The following CD86 variants were observed in gnomAD, a reference collection of about 807,000 sequenced individuals.
CD86 encodes the protein CD86 molecule.
In CD86, 11 loss-of-function variants were observed where a neutral mutation model predicts 32.1. The observed-to-expected ratio is 0.34, with a 90% CI of 0.22 to 0.57. The LOEUF is 0.57. CD86 is among the 20% of genes least tolerant of loss of function. CD86 has a pLI of 0.86. For synonymous variants in CD86, 137 were observed against 135.3 expected (o/e 1.01, Z -0.09); for missense variants, 359 against 398.4 (o/e 0.90, Z 0.84).
intron 2 of CD86, among the ~76,000 whole-genome samples, chr3:122,101,218 C>A (rs2072994077): frequency 6.6e-6 from 1 of 152,020 alleles, no homozygotes; most frequent in African/African-American, 2.4e-5. Context: ...TCTACAACAG[C>A]TGCTCAAACT....
At chr3:122,080,248 A>G (rs1397386547) in intron 1 of CD86, among the ~76,000 whole-genome samples, 1 of 152,190 alleles carries the variant, frequency 6.6e-6, no homozygotes, top group Non-Finnish European at 1.5e-5. Flanking sequence ...CACAGACTAG[A>G]AGAAGCACTG....
Position 122,119,584 on chromosome 3 carries a change from G to A in CD86, c.*50G>A, listed in dbSNP as rs776104571. 7.7e-5 allele frequency: 91 copies of A among 1,180,478 alleles called. No homozygotes were observed. Among genetic ancestry groups the A allele is most frequent in the Non-Finnish European group, 1.1e-4 (87 of 797,274 alleles). 73.1% of individuals were successfully genotyped at this position (1,180,478 alleles called of 1,614,324 possible). The stretch of plus-strand genomic sequence containing the variant: ...ATTCATTTTTTCTACCCTTTCCTTT[G>A]TAAGTTCCTGGGCAACCTTTTTGAT... On this transcript the variant is annotated 3_prime_UTR_variant, in exon 7 of 7. Transcript: ENST00000330540.
chr3:122,082,364 C>A (rs1299739306), intron 1 of CD86, among the ~76,000 whole-genome samples: 1 of 152,230 alleles, frequency 6.6e-6, no homozygotes, highest in Non-Finnish European at 1.5e-5. Context: ...CCAGCATATA[C>A]TTGCAATCTT....
chr3:122,118,614 T>C (rs1275238049), intron 6 of CD86, among the ~76,000 whole-genome samples: 3 of 152,218 alleles, frequency 2.0e-5, no homozygotes, highest in Admixed American at 6.5e-5. Context: ...TGTCAACTTG[T>C]TACAGTGTCA....
intron 1 of CD86, chr3:122,077,944 T>C (rs1346389101): frequency 2.0e-6 from 2 of 985,448 alleles, no homozygotes; most frequent in East Asian, 2.3e-4. Context: ...ATACTCCTTT[T>C]GGTTTATTCT....
At chr3:122,085,434 C>T (rs939243691) in intron 1 of CD86, among the ~76,000 whole-genome samples, 2 of 152,174 alleles carry the variant, frequency 1.3e-5, no homozygotes, top group Admixed American at 6.5e-5. Context: ...AAACACTGCT[C>T]GAATACCCAC....
chr3:122,065,020 T>C (rs185265868), intron 1 of CD86, among the ~76,000 whole-genome samples: 10 of 152,298 alleles, frequency 6.6e-5, no homozygotes, highest in Non-Finnish European at 1.3e-4. Flanking sequence ...CAAACTATAT[T>C]GTATCATATA....
chr3:122,087,198 G>T (rs546415907), intron 1 of CD86, among the ~76,000 whole-genome samples: 3 of 152,234 alleles, frequency 2.0e-5, no homozygotes, highest in African/African-American at 7.2e-5. Flanking sequence ...TTACATGGAG[G>T]CTCCTCTTTT....
At chr3:122,115,375 G>A (rs1025417548) in intron 5 of CD86, among the ~76,000 whole-genome samples, 18 of 151,974 alleles carry the variant, frequency 1.2e-4, no homozygotes, top group Admixed American at 6.6e-5. Context: ...CAAAATAAAT[G>A]GAGACATAGG....
chr3:122,070,027 C>A (rs567626446), intron 1 of CD86, among the ~76,000 whole-genome samples: 1 of 152,250 alleles, frequency 6.6e-6, no homozygotes, highest in Non-Finnish European at 1.5e-5. Flanking sequence ...TTTCCTGAAC[C>A]TACCTTTTAA....
intron 1 of CD86, among the ~76,000 whole-genome samples, chr3:122,060,674 C>T (rs2072320217): frequency 6.6e-6 from 1 of 151,792 alleles, no homozygotes; most frequent in African/African-American, 2.4e-5. Context: ...AAATAAAATC[C>T]AATACTTTAT....
intron 1 of CD86, chr3:122,086,593 G>A (rs1015463296): frequency 1.5e-5 from 7 of 481,450 alleles, no homozygotes; most frequent in Admixed American, 2.1e-5. Context: ...CTAAATCCAC[G>A]CTGGGAAGCT....
intron 2 of CD86, among the ~76,000 whole-genome samples, chr3:122,096,986 CCCATAATTA>C (rs2072918012): frequency 6.6e-6 from 1 of 152,110 alleles, no homozygotes; most frequent in Non-Finnish European, 1.5e-5. Flanking sequence ...AATGCTTAAG[CCCATAATTA>C]ATTTTCTTAC....
At chr3:122,100,451 T>C (rs1008053052) in intron 2 of CD86, among the ~76,000 whole-genome samples, 16 of 152,170 alleles carry the variant, frequency 1.1e-4, no homozygotes, top group Admixed American at 5.9e-4. Flanking sequence ...TAGTAAGTAA[T>C]GGAATGAGGC....
intron 2 of CD86, among the ~76,000 whole-genome samples, chr3:122,098,624 A>C (rs1385275840): frequency 1.3e-5 from 2 of 152,212 alleles, no homozygotes; most frequent in Non-Finnish European, 2.9e-5. Context: ...TTGGAGCTGT[A>C]TTTTTAAGGG....
chr3:122,097,269 C>T (rs2072922352), intron 2 of CD86, among the ~76,000 whole-genome samples: 1 of 152,070 alleles, frequency 6.6e-6, no homozygotes, highest in Admixed American at 6.6e-5. Flanking sequence ...GGGACAATTG[C>T]AGGTACTGGA....
chr3:122,076,275 A>G (rs9880031), intron 1 of CD86, among the ~76,000 whole-genome samples: 1,913 of 152,318 alleles, frequency 0.013, 44 homozygotes, highest in African/African-American at 0.042. Flanking sequence ...TACTACTCCA[A>G]ATATTTTGAT....
chr3:122,077,740 A>G, intron 1 of CD86: 1 of 984,506 alleles, frequency 1.0e-6, no homozygotes, highest in African/African-American at 1.7e-5. Flanking sequence ...CTCCGAGGGT[A>G]CGTTTGTAGT....
rs538014612 is a variant in CD86, at chr3:122,084,907, C to T, written c.15-6694C>T. The stretch of plus-strand genomic sequence containing the variant: ...TTTCTTTTTAATCTATTATATCATT[C>T]TTCAGATCTCAGTTTAGGCTGGTCC... On this transcript the variant is annotated intron_variant, in intron 1 of 6. Transcript: ENST00000330540. Among the ~76,000 whole-genome samples, 45 of 152,298 alleles carry T rather than the reference C, an allele frequency of 3.0e-4. No homozygotes were observed. In the South Asian group the frequency reaches 9.3e-3, roughly 32 times the overall value.
Sources: allele counts gnomAD v4.1 joint callset (sites outside exome capture counted in the v4.1 genomes callset), GRCh38; gene constraint gnomAD v4.1.1; transcripts MANE v1.5; gene names NCBI Gene and HGNC (gene_info 2026-07-23, HGNC 2026-07-21).